ZBTB20: variants seen among roughly 807,000 people sequenced by gnomAD.
ZBTB20 encodes zinc finger and BTB domain containing 20.
A neutral mutation model predicts 56.9 loss-of-function variants in ZBTB20; 9 were observed. That is an observed-to-expected ratio of 0.16 (90% confidence interval 0.10 to 0.28). The LOEUF (loss-of-function observed/expected upper bound fraction) is 0.28. ZBTB20 is among the 10% of genes least tolerant of loss of function. The pLI is 1.00. For synonymous variants in ZBTB20, 417 were observed against 420.7 expected (o/e 0.99, Z 0.11); for missense variants, 655 against 1,003.0 (o/e 0.65, Z 4.69).
At chr3:114,718,448 A>T (rs1420378378) in intron 5 of ZBTB20, among the ~76,000 whole-genome samples, 5 of 152,154 alleles carry the variant, frequency 3.3e-5, no homozygotes, top group Non-Finnish European at 5.9e-5. Flanking sequence ...GAGAAAAAAC[A>T]GTCATTCCTG....
At chr3:114,776,638 T>C (rs2108758806) in intron 5 of ZBTB20, among the ~76,000 whole-genome samples, 1 of 152,336 alleles carries the variant, frequency 6.6e-6, no homozygotes, top group East Asian at 1.9e-4. Flanking sequence ...CTTGTGGTAG[T>C]TTGTTATAGC....
At chr3:114,757,679 C>G (rs2068105952) in intron 5 of ZBTB20, among the ~76,000 whole-genome samples, 2 of 152,064 alleles carry the variant, frequency 1.3e-5, no homozygotes, top group Non-Finnish European at 2.9e-5. Flanking sequence ...ATTTTCTAAA[C>G]TTTCTTATGA....
chr3:114,416,268 A>G (rs76285236), intron 7 of ZBTB20, among the ~76,000 whole-genome samples: 1,651 of 151,884 alleles, frequency 0.011, 40 homozygotes, highest in African/African-American at 0.037. Context: ...ACTTAATAAT[A>G]TCAACCACCT....
chr3:114,952,097 TCA>T (rs2077085914), intron 3 of ZBTB20, among the ~76,000 whole-genome samples: 1 of 152,082 alleles, frequency 6.6e-6, no homozygotes, highest in African/African-American at 2.4e-5. Flanking sequence ...AGCATTCATG[TCA>T]TTATATTAAC....
intron 3 of ZBTB20, among the ~76,000 whole-genome samples, chr3:114,967,208 A>G (rs976387772): frequency 6.6e-6 from 1 of 152,222 alleles, no homozygotes; most frequent in African/African-American, 2.4e-5. Flanking sequence ...AAAATGAGAA[A>G]ACCTGTTCAG....
intron 7 of ZBTB20, among the ~76,000 whole-genome samples, chr3:114,470,970 T>A (rs987366460): frequency 2.6e-5 from 4 of 152,220 alleles, no homozygotes; most frequent in African/African-American, 9.6e-5. Context: ...TTTCAAATCT[T>A]GTCTTTTATT....
chr3:114,689,086 C>G (rs2062537532), intron 6 of ZBTB20, among the ~76,000 whole-genome samples: 1 of 152,142 alleles, frequency 6.6e-6, no homozygotes, highest in African/African-American at 2.4e-5. Flanking sequence ...AAGGAATGAG[C>G]TGACTACAGA....
chr3:114,372,236 G>A (rs2083102400), intron 10 of ZBTB20, among the ~76,000 whole-genome samples: 2 of 152,190 alleles, frequency 1.3e-5, no homozygotes, highest in South Asian at 4.1e-4. Context: ...CTGTAGATAA[G>A]AATTAAAGAT....
At chr3:114,614,239 T>C (rs893645908) in intron 6 of ZBTB20, among the ~76,000 whole-genome samples, 1 of 152,198 alleles carries the variant, frequency 6.6e-6, no homozygotes, top group African/African-American at 2.4e-5. Context: ...GTAGCCATTC[T>C]AAAAATTATC....
At chr3:114,882,888 T>C (rs905658689) in intron 4 of ZBTB20, among the ~76,000 whole-genome samples, 4 of 152,226 alleles carry the variant, frequency 2.6e-5, no homozygotes, top group African/African-American at 9.6e-5. Context: ...ATTTTAAAAA[T>C]ACAAATAGCA....
At chr3:114,392,683 T>C (rs2085986987) in intron 7 of ZBTB20, among the ~76,000 whole-genome samples, 1 of 152,372 alleles carries the variant, frequency 6.6e-6, no homozygotes, top group South Asian at 2.1e-4. Context: ...AAATGTTTAC[T>C]TGTTTTTCTT....
chr3:114,576,356 G>A (rs2054017523), intron 6 of ZBTB20, among the ~76,000 whole-genome samples: 1 of 151,300 alleles, frequency 6.6e-6, no homozygotes, highest in Non-Finnish European at 1.5e-5. Flanking sequence ...AAAGAAATTA[G>A]CCAGGCGTGG....
chr3:114,756,708 C>G (rs1406251126), intron 5 of ZBTB20, among the ~76,000 whole-genome samples: 1 of 152,210 alleles, frequency 6.6e-6, no homozygotes, highest in Non-Finnish European at 1.5e-5. Flanking sequence ...GTCTACTTTG[C>G]ATATTTTCCT....
At chr3:115,128,266 G>A (rs748314953) in intron 1 of ZBTB20, among the ~76,000 whole-genome samples, 7 of 152,238 alleles carry the variant, frequency 4.6e-5, no homozygotes, top group Middle Eastern at 6.8e-3. Context: ...AAACGGGTTT[G>A]ATTTATTACA....
intron 6 of ZBTB20, among the ~76,000 whole-genome samples, chr3:114,530,022 T>C (rs1057214518): frequency 6.6e-6 from 1 of 152,236 alleles, no homozygotes; most frequent in Non-Finnish European, 1.5e-5. Context: ...TGCAAGATTA[T>C]AAGATAACTG....
intron 1 of ZBTB20, among the ~76,000 whole-genome samples, chr3:115,085,937 G>A (rs1454012309): frequency 6.6e-6 from 1 of 151,670 alleles, no homozygotes; most frequent in Admixed American, 6.6e-5. Context: ...TCAAATTTAG[G>A]AGTTCATAAA....
chr3:114,515,926 C>T (rs1369672261), intron 6 of ZBTB20, among the ~76,000 whole-genome samples: 1 of 152,120 alleles, frequency 6.6e-6, no homozygotes, highest in Non-Finnish European at 1.5e-5. Flanking sequence ...TTTTGTGCCA[C>T]CTTCAAGCTT....
At chr3:114,933,134 C>A (rs1413721844) in intron 3 of ZBTB20, among the ~76,000 whole-genome samples, 1 of 152,176 alleles carries the variant, frequency 6.6e-6, no homozygotes. Context: ...GGCTTCCAGT[C>A]AAGTGCAACT....
intron 7 of ZBTB20, among the ~76,000 whole-genome samples, chr3:114,433,779 T>C (rs1293531095): frequency 6.6e-6 from 1 of 152,120 alleles, no homozygotes; most frequent in Non-Finnish European, 1.5e-5. Context: ...TACAAATAAG[T>C]GCTTTAGCAG....
Sources: gnomAD v4.1 joint callset for allele counts (sites outside exome capture counted in the v4.1 genomes callset) on GRCh38, gnomAD v4.1.1 for gene constraint, MANE v1.5 for transcripts, NCBI Gene and HGNC (gene_info 2026-07-23, HGNC 2026-07-21) for gene names.